Variants in TLL1 observed in about 807,000 individuals in gnomAD.
TLL1 encodes the protein tolloid like 1, also known as tolloid-like protein 1.
Under a neutral mutation model 128.2 loss-of-function variants are expected in TLL1, and 49 were observed. That is an observed-to-expected ratio of 0.38 (90% confidence interval 0.30 to 0.48). The LOEUF (loss-of-function observed/expected upper bound fraction) is 0.48. TLL1 is among the 20% of genes least tolerant of loss of function. The probability of loss-of-function intolerance (pLI) is 0.96; values close to 1 mark genes in which losing one functional copy is unlikely to be tolerated. For synonymous variants in TLL1, 454 were observed against 418.8 expected, an observed-to-expected ratio of 1.08 and a Z score of -1.03; for missense variants, 1,123 against 1,242.0, an observed-to-expected ratio of 0.90 and a Z score of 1.44.
At position 165,903,552 on chromosome 4, in the gene TLL1, A is replaced by G. The variant is rs548975303; in HGVS notation, c.169+29479A>G. On this transcript the variant is annotated intron_variant, in intron 1 of 20. Coordinates refer to ENST00000061240, the MANE Select transcript of TLL1 (RefSeq NM_012464.5). ...CTTAGCCACTTGAGTAGCTGGGACT[A>G]CAGGTGTGTACCACCATGCCCCACT... Among the ~76,000 whole-genome samples, 11 of 151,228 alleles carry G rather than the reference A, an allele frequency of 7.3e-5. 1 individual carries two copies. In the South Asian group the frequency reaches 2.3e-3, roughly 32 times the overall value.
rs754780211 is a variant in TLL1 at position 166,060,125 on chromosome 4, G to A, written c.1944G>A (p.Val648=). Residue 648 remains valine, a synonymous_variant, in exon 15 of 21, where the codon GTG becomes GTA. Transcript: ENST00000061240. The part of the protein sequence containing the change: ...YPPNKNCVWQ[V]VAPTQYRISV... ...CTAATAAGAACTGTGTGTGGCAAGT[G>A]GTTGCACCAACCCAGTACAGAATTT... 3 of 1,613,712 alleles carry A rather than the reference G, an allele frequency of 1.9e-6. No homozygotes were observed. In the African/African-American group the frequency reaches 4.0e-5, roughly 22 times the overall value.
rs922290438 is a variant in TLL1 at position 166,103,197 on chromosome 4, C to T, written c.*2321C>T. On this transcript the variant is annotated 3_prime_UTR_variant, in exon 21 of 21. Coordinates refer to ENST00000061240, the MANE Select transcript of TLL1 (RefSeq NM_012464.5). ...TCTACAAAGGTAGTAGAATCAATCTCGACCTATATAAATAGTAGATTTTTT... is the reference window on the plus strand; with the variant it reads ...TCTACAAAGGTAGTAGAATCAATCTTGACCTATATAAATAGTAGATTTTTT... 10 of 151,740 alleles carry T rather than the reference C, an allele frequency of 6.6e-5. No homozygotes were observed. Among genetic ancestry groups the T allele is most frequent in the East Asian group, 1.9e-4 (1 of 5,154 alleles). 9.4% of individuals were successfully genotyped at this position (151,740 alleles called of 1,614,324 possible). A position where few individuals can be genotyped will look rare whatever the true frequency, so the allele number is the denominator to read the frequency against.
At chr4:166,041,770 T>G (rs1035108789) in intron 10 of TLL1, among the ~76,000 whole-genome samples, 1 of 152,244 alleles carries the variant, frequency 6.6e-6, no homozygotes, top group African/African-American at 2.4e-5. Context: ...CCATCTTACT[T>G]CTACATATGG....
rs1281051930 is a variant in TLL1 at position 165,998,506 on chromosome 4, C to A, written c.632+3328C>A. ...ATTATTCAGGTTATAAAAGTAGATA[C>A]TTTTGAGCCGGACGCGGTGGCTCAT... On this transcript the variant is annotated intron_variant, in intron 5 of 20. Transcript: ENST00000061240. 3.3e-5 allele frequency among the ~76,000 whole-genome samples: 5 copies of A among 151,992 alleles called. No homozygotes were observed. The South Asian group carries it at 1.0e-3, about 31-fold the overall frequency.
At chr4:165,922,479 T>C (rs573171213) in intron 1 of TLL1, among the ~76,000 whole-genome samples, 69 of 152,342 alleles carry the variant, frequency 4.5e-4, no homozygotes, top group African/African-American at 1.7e-3. Context: ...TTTTCTTCCC[T>C]GCCTTTCTTC....
chr4:165,993,430 G>T (rs1210059721), intron 3 of TLL1, among the ~76,000 whole-genome samples: 3 of 151,920 alleles, frequency 2.0e-5, no homozygotes, highest in Non-Finnish European at 4.4e-5. Flanking sequence ...GATTTTAGAG[G>T]TTTGTTTAAA....
At chr4:166,025,480 A>G in intron 9 of TLL1, 49 bp downstream of exon 9, 1 of 1,362,034 alleles carries the variant, frequency 7.3e-7, no homozygotes, top group Non-Finnish European at 1.1e-6. Flanking sequence ...TAAGTACAAA[A>G]GTTCATCATC....
chr4:166,031,336 T>C (rs957248430), intron 9 of TLL1, among the ~76,000 whole-genome samples: 3 of 151,182 alleles, frequency 2.0e-5, no homozygotes, highest in African/African-American at 7.3e-5. Flanking sequence ...CATTTATAAA[T>C]TTTATAAATT....
chr4:165,907,827 C>A (rs1360599942), intron 1 of TLL1, among the ~76,000 whole-genome samples: 1 of 152,166 alleles, frequency 6.6e-6, no homozygotes, highest in Non-Finnish European at 1.5e-5. Context: ...GGATTGCAGG[C>A]GTGAGCCACC....
At chr4:166,047,234 G>C (rs962840934) in intron 12 of TLL1, among the ~76,000 whole-genome samples, 1 of 151,040 alleles carries the variant, frequency 6.6e-6, no homozygotes, top group Non-Finnish European at 1.5e-5. Flanking sequence ...GCGCGATCTC[G>C]GTTCACTGCA....
At chr4:166,065,656 G>T (rs755992837) in intron 15 of TLL1, 27 bp from the exon 16 acceptor site, 2 of 1,610,856 alleles carry the variant, frequency 1.2e-6, no homozygotes, top group Non-Finnish European at 1.7e-6. Context: ...CACAAATCTG[G>T]CAACTGATAA....
At chr4:165,956,932 T>C (rs1734830269) in intron 1 of TLL1, among the ~76,000 whole-genome samples, 1 of 152,080 alleles carries the variant, frequency 6.6e-6, no homozygotes. Context: ...CCACAGACCC[T>C]ATAAAGCAGC....
chr4:165,992,055 C>T (rs1736663841), intron 2 of TLL1, among the ~76,000 whole-genome samples: 1 of 152,010 alleles, frequency 6.6e-6, no homozygotes. Context: ...TGACAGGAAT[C>T]TACCTTTTCT....
intron 1 of TLL1, among the ~76,000 whole-genome samples, chr4:165,896,602 C>T (rs1731692848): frequency 6.6e-6 from 1 of 151,648 alleles, no homozygotes; most frequent in Non-Finnish European, 1.5e-5. Context: ...CCTGCCTCAG[C>T]CTCCCAAGTA....
intron 2 of TLL1, among the ~76,000 whole-genome samples, chr4:165,989,885 A>G (rs1345051899): frequency 4.6e-5 from 7 of 152,014 alleles, no homozygotes; most frequent in South Asian, 2.1e-4. Context: ...CCAGAATTCA[A>G]TTCTGAAAAA....
chr4:166,090,326 ATAT>A (rs1741704906), intron 18 of TLL1, among the ~76,000 whole-genome samples: 1 of 152,070 alleles, frequency 6.6e-6, no homozygotes, highest in Non-Finnish European at 1.5e-5. Context: ...AGCTTGGACA[ATAT>A]TATTTTCAGT....
intron 12 of TLL1, among the ~76,000 whole-genome samples, chr4:166,047,268 G>A (rs142088760): frequency 0.015 from 2,264 of 151,338 alleles, 55 homozygotes; most frequent in African/African-American, 0.05. Context: ...AGGTTCAAGC[G>A]ATTCTCCTGC....
At chr4:165,996,845 C>T (rs1196086269) in intron 5 of TLL1, among the ~76,000 whole-genome samples, 1 of 149,294 alleles carries the variant, frequency 6.7e-6, no homozygotes, top group Non-Finnish European at 1.5e-5. Context: ...ATATATACAT[C>T]TATATATATA....
intron 9 of TLL1, among the ~76,000 whole-genome samples, chr4:166,028,295 C>T (rs1393401903): frequency 6.6e-6 from 1 of 152,004 alleles, no homozygotes; most frequent in African/African-American, 2.4e-5. Flanking sequence ...TCTTAACCCA[C>T]ATATTTTTTC....
Sources: allele counts gnomAD v4.1 joint callset (sites outside exome capture counted in the v4.1 genomes callset), GRCh38; gene constraint gnomAD v4.1.1; transcripts MANE v1.5; gene names NCBI Gene and HGNC (gene_info 2026-07-23, HGNC 2026-07-21).